Variants in ASTN2 observed in about 807,000 individuals in gnomAD.
The protein encoded by ASTN2 is astrotactin-2.
In ASTN2, 54 loss-of-function variants were observed where a neutral mutation model predicts 139.8. The ratio of observed to expected loss-of-function variants is 0.39; its 90% confidence interval spans 0.31 to 0.48. The LOEUF (loss-of-function observed/expected upper bound fraction) is 0.48, where lower values mean the gene tolerates loss of function less well. Among genes scored for constraint, ASTN2 ranks in the 20% least tolerant of loss-of-function variants. ASTN2 has a pLI of 0.95. For missense variants in ASTN2, 1,565 were observed against 1,725.1 expected, an observed-to-expected ratio of 0.91 and a Z score of 1.64; for synonymous variants, 756 against 719.5, an observed-to-expected ratio of 1.05 and a Z score of -0.81.
intron 2 of ASTN2, among the ~76,000 whole-genome samples, chr9:117,225,732 G>A (rs1193215411): frequency 6.6e-6 from 1 of 151,030 alleles, no homozygotes; most frequent in Non-Finnish European, 1.5e-5. Flanking sequence ...TCTCTGTGAT[G>A]CTCAGTTTTC....
intron 20 of ASTN2, among the ~76,000 whole-genome samples, chr9:116,480,128 A>AGAAG (rs895184106): frequency 1.1e-4 from 16 of 151,724 alleles, no homozygotes; most frequent in Non-Finnish European, 2.4e-4. Context: ...AAGGAAGGAA[A>AGAAG]GAAGGAAGGA....
At chr9:116,916,553 T>C (rs1385402281) in intron 10 of ASTN2, among the ~76,000 whole-genome samples, 1 of 152,090 alleles carries the variant, frequency 6.6e-6, no homozygotes, top group African/African-American at 2.4e-5. Flanking sequence ...CCTCCTATAG[T>C]AGAAAGATGT....
At chr9:117,346,492 G>A (rs868635078) in intron 1 of ASTN2, among the ~76,000 whole-genome samples, 7 of 152,126 alleles carry the variant, frequency 4.6e-5, no homozygotes, top group Admixed American at 2.6e-4. Context: ...ACACTCACCT[G>A]TGCTTATTTG....
chr9:117,065,586 C>T (rs747674610), intron 5 of ASTN2, among the ~76,000 whole-genome samples: 4 of 152,252 alleles, frequency 2.6e-5, no homozygotes, highest in South Asian at 2.1e-4. Flanking sequence ...GGAGTGTAGA[C>T]CATCTGTGAC....
At chr9:116,939,667 A>G (rs1372663820) in intron 10 of ASTN2, among the ~76,000 whole-genome samples, 1 of 152,150 alleles carries the variant, frequency 6.6e-6, no homozygotes. Context: ...TTGGGTGGCA[A>G]AAACCTACTA....
At chr9:117,235,336 A>C (rs978241091) in intron 2 of ASTN2, among the ~76,000 whole-genome samples, 14 of 152,156 alleles carry the variant, frequency 9.2e-5, no homozygotes, top group Non-Finnish European at 8.8e-5. Flanking sequence ...CATTATTAAA[A>C]CAAATCAATC....
intron 16 of ASTN2, among the ~76,000 whole-genome samples, chr9:116,707,204 A>G (rs930795962): frequency 1.3e-5 from 2 of 150,316 alleles, no homozygotes; most frequent in African/African-American, 4.9e-5. Context: ...CACACTCCCA[A>G]AAGCAGATGG....
intron 11 of ASTN2, among the ~76,000 whole-genome samples, chr9:116,857,938 T>C (rs1832780769): frequency 6.6e-6 from 1 of 152,184 alleles, no homozygotes; most frequent in South Asian, 2.1e-4. Context: ...GCCTAGGCAC[T>C]TAGAACGCTG....
intron 13 of ASTN2, among the ~76,000 whole-genome samples, chr9:116,765,931 C>T (rs1392197738): frequency 6.6e-6 from 1 of 152,026 alleles, no homozygotes; most frequent in Non-Finnish European, 1.5e-5. Flanking sequence ...GAAACATATG[C>T]TAATTTTATT....
intron 17 of ASTN2, among the ~76,000 whole-genome samples, chr9:116,632,252 G>GAAAGGAAAGAAA (rs1856833378): frequency 4.2e-5 from 3 of 70,928 alleles, no homozygotes; most frequent in South Asian, 1.3e-3. Context: ...AAAGAAAGAA[G>GAAAGGAAAGAAA]GAAAGAAAGA....
At chr9:117,411,291 A>G (rs756597762) in intron 1 of ASTN2, among the ~76,000 whole-genome samples, 1 of 152,118 alleles carries the variant, frequency 6.6e-6, no homozygotes, top group African/African-American at 2.4e-5. Context: ...AGGGAGATTC[A>G]CTTTGTCAAT....
intron 1 of ASTN2, among the ~76,000 whole-genome samples, chr9:117,359,721 T>A (rs1446821534): frequency 6.6e-6 from 1 of 152,062 alleles, no homozygotes; most frequent in East Asian, 1.9e-4. Context: ...AACACAGGAA[T>A]TGAGGTCTTT....
At chr9:117,221,461 G>A (rs1832515174) in intron 2 of ASTN2, among the ~76,000 whole-genome samples, 1 of 152,200 alleles carries the variant, frequency 6.6e-6, no homozygotes, top group African/African-American at 2.4e-5. Context: ...TTCAGAAACT[G>A]ATTATTTCTG....
intron 6 of ASTN2, among the ~76,000 whole-genome samples, chr9:117,012,801 C>T (rs1837571690): frequency 6.6e-6 from 1 of 152,196 alleles, no homozygotes; most frequent in Non-Finnish European, 1.5e-5. Context: ...GCCTGCACTA[C>T]TCTTAATCTC....
At chr9:116,566,750 G>A (rs1853253213) in intron 19 of ASTN2, among the ~76,000 whole-genome samples, 1 of 152,174 alleles carries the variant, frequency 6.6e-6, no homozygotes, top group African/African-American at 2.4e-5. Flanking sequence ...GGGCATAGCA[G>A]GGATACTAAG....
intron 17 of ASTN2, among the ~76,000 whole-genome samples, chr9:116,630,024 G>A (rs1021539793): frequency 3.3e-5 from 5 of 152,172 alleles, no homozygotes; most frequent in African/African-American, 9.7e-5. Flanking sequence ...AGAAGATGAA[G>A]TACTATGTTT....
At chr9:116,890,137 C>G (rs1043407543) in intron 10 of ASTN2, among the ~76,000 whole-genome samples, 1 of 152,086 alleles carries the variant, frequency 6.6e-6, no homozygotes, top group Non-Finnish European at 1.5e-5. Context: ...GCAGGGGGAG[C>G]GAGAAATGTG....
At chr9:116,857,765 G>A (rs1832777393) in intron 11 of ASTN2, among the ~76,000 whole-genome samples, 1 of 152,180 alleles carries the variant, frequency 6.6e-6, no homozygotes, top group African/African-American at 2.4e-5. Context: ...GTAGATTAAA[G>A]ATGATCACAC....
At chr9:116,467,697 C>T (rs375186474) in intron 20 of ASTN2, among the ~76,000 whole-genome samples, 5 of 152,288 alleles carry the variant, frequency 3.3e-5, no homozygotes, top group East Asian at 1.9e-4. Flanking sequence ...AGTTTCTGTC[C>T]GTTGCCTCCA....
Sources: allele counts gnomAD v4.1 joint callset (sites outside exome capture counted in the v4.1 genomes callset), GRCh38; gene constraint gnomAD v4.1.1; transcripts MANE v1.5; gene names NCBI Gene and HGNC (gene_info 2026-07-23, HGNC 2026-07-21).